The following ARFGEF2 variants were observed in gnomAD, a reference collection of about 807,000 sequenced individuals.
The protein encoded by ARFGEF2 is brefeldin A-inhibited guanine nucleotide-exchange protein 2.
ARFGEF2 carries 74 observed loss-of-function variants against 219.9 expected under a neutral mutation model. That is an observed-to-expected ratio of 0.34 (90% CI 0.28 to 0.41). The LOEUF is 0.41. Ranked by LOEUF, ARFGEF2 falls within the 10% of genes least tolerant of loss-of-function variation. ARFGEF2 has a pLI of 1.00. For synonymous variants in ARFGEF2, 733 were observed against 799.2 expected, an observed-to-expected ratio of 0.92 and a Z score of 1.40; for missense variants, 1,743 against 2,218.3, an observed-to-expected ratio of 0.79 and a Z score of 4.30.
chr20:48,947,810 C>T (rs574305040), intron 3 of ARFGEF2, among the ~76,000 whole-genome samples: 4 of 150,642 alleles, frequency 2.7e-5, no homozygotes, highest in South Asian at 2.1e-4. Flanking sequence ...GAGCAGAGAT[C>T]GTGCCACTGC....
intron 4 of ARFGEF2, among the ~76,000 whole-genome samples, chr20:48,952,148 C>CTTTTTTT (rs11475141): frequency 2.0e-4 from 11 of 55,480 alleles, no homozygotes; most frequent in Admixed American, 6.0e-4. Flanking sequence ...GAAGTTTGGC[C>CTTTTTTT]TTTTTTTTTT....
At chr20:48,991,267 T>C (rs2091356054) in intron 21 of ARFGEF2, 69 bp downstream of exon 21, 2 of 1,594,834 alleles carry the variant, frequency 1.3e-6, no homozygotes, top group Admixed American at 1.7e-5. Flanking sequence ...TCATTGTTGA[T>C]CTCATTTGGT....
chr20:48,962,187 TA>T (rs1212032908), intron 6 of ARFGEF2, among the ~76,000 whole-genome samples: 1 of 152,036 alleles, frequency 6.6e-6, no homozygotes, highest in Non-Finnish European at 1.5e-5. Context: ...TCTCAAATAA[TA>T]AATAAAAAAT....
intron 14 of ARFGEF2, among the ~76,000 whole-genome samples, chr20:48,977,105 C>T (rs2091266994): frequency 6.6e-6 from 1 of 152,014 alleles, no homozygotes; most frequent in South Asian, 2.1e-4. Context: ...TTAGGTATTA[C>T]TCCTAATGCT....
intron 26 of ARFGEF2, among the ~76,000 whole-genome samples, chr20:49,005,644 A>G (rs1231960507): frequency 6.7e-6 from 1 of 149,086 alleles, no homozygotes; most frequent in Non-Finnish European, 1.5e-5. Context: ...AGGCTGAGGC[A>G]GGAGAATGGC....
intron 1 of ARFGEF2, among the ~76,000 whole-genome samples, chr20:48,934,520 A>G (rs1156809634): frequency 2.6e-5 from 4 of 151,860 alleles, no homozygotes; most frequent in African/African-American, 4.8e-5. Context: ...CCACCCCTCA[A>G]CAGGCCCTGG....
intron 1 of ARFGEF2, among the ~76,000 whole-genome samples, chr20:48,937,273 C>T (rs991342127): frequency 3.9e-5 from 6 of 152,188 alleles, no homozygotes; most frequent in Non-Finnish European, 7.3e-5. Flanking sequence ...GTGATCTGTC[C>T]GAAGAAAAGT....
At chr20:48,987,637 AGT>A (rs1396839746) in intron 16 of ARFGEF2, among the ~76,000 whole-genome samples, 1 of 152,148 alleles carries the variant, frequency 6.6e-6, no homozygotes, top group Non-Finnish European at 1.5e-5. Context: ...TGTGAAATAT[AGT>A]GAGATGCCCT....
At chr20:48,981,607 TTC>T (rs1331829418) in intron 14 of ARFGEF2, among the ~76,000 whole-genome samples, 3 of 152,208 alleles carry the variant, frequency 2.0e-5, no homozygotes, top group African/African-American at 7.2e-5. Context: ...CCCTGTCACT[TTC>T]AGGCATACCA....
At chr20:49,002,100 C>T (rs1042923500) in intron 25 of ARFGEF2, among the ~76,000 whole-genome samples, 5 of 151,980 alleles carry the variant, frequency 3.3e-5, no homozygotes, top group African/African-American at 4.8e-5. Flanking sequence ...TAGCAGGGCG[C>T]GGTAGTGGAC....
rs1423391084 is a variant in ARFGEF2, at chr20:48,969,093, T to C, written c.1060-54T>C. The C allele has an allele frequency of 2.5e-6, 4 of 1,596,232 alleles. No homozygotes were observed. The South Asian group carries it at 4.5e-5, about 18-fold the overall frequency. ...CTCCTGCCTCAGCCTCTGGAGTAGC[T>C]GGGACTACAGGTGGGTGCCACCACA... On this transcript the variant is annotated intron_variant, in intron 8 of 38. Transcript: ENST00000371917.
rs547918813 is a variant in ARFGEF2, at chr20:48,998,551, AG to A, written c.3432+47del. 1,742 of 1,372,682 alleles carry A rather than the reference AG, an allele frequency of 1.3e-3. 14 individuals carry two copies. In the African/African-American group the frequency reaches 0.022, roughly 17 times the overall value. The allele number at this position is 1,372,682 out of a possible 1,614,324, so 85.0% of individuals were successfully genotyped here. On this transcript the variant is annotated intron_variant, in intron 25 of 38. Coordinates refer to ENST00000371917, the MANE Select transcript of ARFGEF2 (RefSeq NM_006420.3). ...ACCATTCCTGTTAAAAAAAAAAAAA[AG>A]TAGACAACTGAATTCAAAAAAAGAA...
rs777897601 is a variant in ARFGEF2, at chr20:48,969,288, A to G, written c.1190+11A>G. On this transcript the variant is annotated intron_variant, in intron 9 of 38. Transcript: ENST00000371917. ...CCCTCCAGACCCAAAGTAAGCAGAC[A>G]GCAGTTCTTGGCCACCTTCAGTCCA... The G allele has an allele frequency of 5.0e-6, 8 of 1,614,078 alleles. No homozygotes were observed. In the South Asian group the frequency reaches 5.5e-5, roughly 11 times the overall value.
intron 20 of ARFGEF2, among the ~76,000 whole-genome samples, chr20:48,990,777 A>T (rs373854241): frequency 5.3e-5 from 8 of 152,258 alleles, no homozygotes; most frequent in East Asian, 3.8e-4. Context: ...ACATAGTGGA[A>T]CATGGGACAG....
chr20:48,989,712 G>A (rs372619564), intron 20 of ARFGEF2, 28 bp downstream of exon 20: 69 of 1,613,588 alleles, frequency 4.3e-5, no homozygotes, highest in Non-Finnish European at 5.6e-5. Context: ...ACACTCCAGA[G>A]ATACTGGTGG....
intron 21 of ARFGEF2, 109 bp downstream of exon 21, chr20:48,991,307 T>C: frequency 2.1e-6 from 3 of 1,443,688 alleles, no homozygotes; most frequent in South Asian, 1.2e-5. Context: ...GTCAAATCAC[T>C]GTACCTCATG....
chr20:49,004,922 GC>G (rs1192491486), intron 25 of ARFGEF2, 147 bp from the exon 26 acceptor site: 8 of 896,110 alleles, frequency 8.9e-6, no homozygotes, highest in Non-Finnish European at 1.5e-5. Flanking sequence ...ACAGATCATA[GC>G]CAAGAAATAG....
At chr20:48,965,772 A>G in intron 7 of ARFGEF2, 100 bp from the exon 8 acceptor site, 1 of 1,404,594 alleles carries the variant, frequency 7.1e-7, no homozygotes, top group South Asian at 1.2e-5. Flanking sequence ...GGAAAAAGCA[A>G]CAGCTGGGAG....
intron 25 of ARFGEF2, among the ~76,000 whole-genome samples, chr20:48,998,956 G>T (rs1038712119): frequency 3.9e-5 from 6 of 152,068 alleles, no homozygotes; most frequent in African/African-American, 1.5e-4. Flanking sequence ...TTAATATTTG[G>T]GCCGGGCGTA....
Sources: gnomAD v4.1 joint callset for allele counts (sites outside exome capture counted in the v4.1 genomes callset) on GRCh38, gnomAD v4.1.1 for gene constraint, MANE v1.5 for transcripts, NCBI Gene and HGNC (gene_info 2026-07-23, HGNC 2026-07-21) for gene names.